Variants in TENT2 observed in about 807,000 individuals in gnomAD.
TENT2 encodes terminal nucleotidyltransferase 2.
A neutral mutation model predicts 72.2 loss-of-function variants in TENT2; 44 were observed. The ratio of observed to expected loss-of-function variants is 0.61; its 90% CI spans 0.48 to 0.78. The LOEUF (loss-of-function observed/expected upper bound fraction) is 0.78. TENT2 is among the 30% of genes least tolerant of loss of function. TENT2 has a pLI of 0.00. For synonymous variants in TENT2, 212 were observed against 192.5 expected, an observed-to-expected ratio of 1.10 and a Z score of -0.84; for missense variants, 541 against 569.6, an observed-to-expected ratio of 0.95 and a Z score of 0.51.
chr5:79,641,351 T>G (rs1181632163), intron 6 of TENT2, among the ~76,000 whole-genome samples, 155 bp downstream of exon 6: 1 of 152,072 alleles, frequency 6.6e-6, no homozygotes, highest in African/African-American at 2.4e-5. Flanking sequence ...AATTTTTTAT[T>G]TTTAAGGCAT....
At chr5:79,626,664 G>A (rs1452933551) in intron 4 of TENT2, among the ~76,000 whole-genome samples, 2 of 141,160 alleles carry the variant, frequency 1.4e-5, no homozygotes, top group East Asian at 4.2e-4. Context: ...GTCTTGCTAT[G>A]TTACCCAGGC....
Position 79,687,619 on chromosome 5 carries a change from C to A in TENT2, c.*2346C>A, listed in dbSNP as rs567139182. 6.6e-6 allele frequency among the ~76,000 whole-genome samples: 1 copy of A among 152,176 alleles called. No homozygotes were observed. The highest frequency in any genetic ancestry group is 1.9e-4 in the East Asian group (1 of 5,196). On this transcript the variant is annotated 3_prime_UTR_variant, in exon 15 of 15. Coordinates refer to ENST00000453514, the MANE Select transcript of TENT2 (RefSeq NM_001114394.3). ...ACAAGACAAAAAGTCTATACCTGTT[C>A]GGTACAGATGCAACCATTCTGCCTC...
At chr5:79,637,820 C>T (rs1386383636) in intron 4 of TENT2, among the ~76,000 whole-genome samples, 5 of 129,310 alleles carry the variant, frequency 3.9e-5, no homozygotes, top group Non-Finnish European at 6.3e-5. Context: ...TTTTTTGTGA[C>T]GGAGTCGCAT....
chr5:79,642,847 A>G lies in TENT2; in HGVS notation c.688A>G (p.Asn230Asp). 3 of 1,610,872 alleles carry G rather than the reference A, an allele frequency of 1.9e-6. No homozygotes were observed. The highest frequency in any genetic ancestry group is 2.5e-6 in the Non-Finnish European group (3 of 1,178,700). The change falls in exon 7 of 15, where the codon AAT becomes GAT. Residue 230 changes from asparagine (N) to aspartate (D), a missense_variant. Asn to Asp is a conservative substitution (Grantham distance 23). Transcript: ENST00000453514. ...VKEEPCFFQV[N>D]QKTEARHILT... ...AACTTTTCAGTGTTTTTTTCAGGTAAATCAGAAGACTGAAGCACGGCATAT... is the reference window on the plus strand; with the variant it reads ...AACTTTTCAGTGTTTTTTTCAGGTAGATCAGAAGACTGAAGCACGGCATAT...
intron 11 of TENT2, among the ~76,000 whole-genome samples, chr5:79,660,453 C>T (rs925215398): frequency 3.2e-4 from 48 of 151,960 alleles, no homozygotes; most frequent in African/African-American, 1.1e-3. Flanking sequence ...TTGTTTCCTT[C>T]GCTAAAAGTA....
rs971872380 is a variant in TENT2, at chr5:79,619,906, G to A, written c.138-88G>A. 47 of 1,447,920 alleles carry A rather than the reference G, an allele frequency of 3.2e-5. No homozygotes were observed. The Admixed American group carries it at 7.8e-4, about 24-fold the overall frequency. The allele number at this position is 1,447,920 out of a possible 1,614,324, so 89.7% of individuals were successfully genotyped here. A position where few individuals can be genotyped will look rare whatever the true frequency, so the allele number is the denominator to read the frequency against. ...ATGTCGTCACATTTTTTTTTGATACGGATGTATTTAATTTTTTTTCAGAGA... is the reference window on the plus strand; with the variant it reads ...ATGTCGTCACATTTTTTTTTGATACAGATGTATTTAATTTTTTTTCAGAGA... On this transcript the variant is annotated intron_variant, in intron 2 of 14. Transcript: ENST00000453514.
intron 10 of TENT2, among the ~76,000 whole-genome samples, chr5:79,650,619 C>T (rs1199857849): frequency 6.6e-6 from 1 of 152,014 alleles, no homozygotes; most frequent in Non-Finnish European, 1.5e-5. Flanking sequence ...GCAGCTTGGG[C>T]TTGGAAAGTT....
At chr5:79,629,566 G>A (rs1283757439) in intron 4 of TENT2, among the ~76,000 whole-genome samples, 2 of 152,184 alleles carry the variant, frequency 1.3e-5, no homozygotes, top group African/African-American at 4.8e-5. Context: ...AGTGGCTCAC[G>A]CCTGTAATCC....
rs528005453 is a variant in TENT2, at chr5:79,616,077, G to C, written c.-38+3002G>C. 9.9e-5 allele frequency among the ~76,000 whole-genome samples: 15 copies of C among 151,978 alleles called. No homozygotes were observed. The East Asian group carries it at 2.1e-3, about 22-fold the overall frequency. On this transcript the variant is annotated intron_variant, in intron 1 of 14. Coordinates refer to ENST00000453514, the MANE Select transcript of TENT2 (RefSeq NM_001114394.3). ...TAATTTTGTATTTTTAGTAGAGACG[G>C]GATTTTGCCGTGTTGGCCAGGCTGG...
In TENT2 at chr5:79,686,967, A is replaced by G. The variant is rs1300553905; in HGVS notation, c.*1694A>G. On this transcript the variant is annotated 3_prime_UTR_variant, in exon 15 of 15. Transcript: ENST00000453514. ...TGGGTAATCATTATAAGCATTAGTCATAGTACTATTCAGTAATACTGTGCA... is the reference window on the plus strand; with the variant it reads ...TGGGTAATCATTATAAGCATTAGTCGTAGTACTATTCAGTAATACTGTGCA... Among the ~76,000 whole-genome samples the G allele has an allele frequency of 6.6e-6, 1 of 152,180 alleles. No individual in the cohort carries two copies. The highest frequency in any genetic ancestry group is 1.5e-5 in the Non-Finnish European group (1 of 68,022).
intron 1 of TENT2, among the ~76,000 whole-genome samples, chr5:79,617,120 TA>T (rs1164318123): frequency 4.0e-4 from 59 of 145,746 alleles, no homozygotes; most frequent in Admixed American, 4.8e-4. Flanking sequence ...CTCTGTTGTT[TA>T]AAAAAAAAAA....
chr5:79,640,828 CT>C (rs770519264), intron 4 of TENT2, 22 bp from the exon 5 acceptor site: 84 of 1,521,884 alleles, frequency 5.5e-5, no homozygotes, highest in Middle Eastern at 3.4e-4. Flanking sequence ...AAAACTTTTA[CT>C]TTTTTTTGCG....
chr5:79,630,307 T>C (rs1774235583), intron 4 of TENT2, among the ~76,000 whole-genome samples: 1 of 151,610 alleles, frequency 6.6e-6, no homozygotes, highest in African/African-American at 2.4e-5. Context: ...TAAAGAGTGG[T>C]GGGAGCCAGG....
At chr5:79,631,304 G>T (rs1474807230) in intron 4 of TENT2, among the ~76,000 whole-genome samples, 1 of 152,184 alleles carries the variant, frequency 6.6e-6, no homozygotes, top group Non-Finnish European at 1.5e-5. Context: ...ACAGCTGGTG[G>T]CCTCATTTGC....
intron 4 of TENT2, among the ~76,000 whole-genome samples, chr5:79,635,896 C>T (rs751998462): frequency 6.6e-5 from 10 of 152,144 alleles, no homozygotes; most frequent in Non-Finnish European, 1.5e-4. Flanking sequence ...TGAGTACCTA[C>T]GGTGAATTCT....
At chr5:79,674,516 AG>A (rs1453855414) in intron 12 of TENT2, among the ~76,000 whole-genome samples, 1 of 152,204 alleles carries the variant, frequency 6.6e-6, no homozygotes, top group African/African-American at 2.4e-5. Context: ...GAACTATAAA[AG>A]GTATTTGAGT....
chr5:79,669,842 T>G (rs1811538525), intron 12 of TENT2, among the ~76,000 whole-genome samples: 1 of 152,066 alleles, frequency 6.6e-6, no homozygotes, highest in Non-Finnish European at 1.5e-5. Flanking sequence ...GTTTACATAA[T>G]TGTTATCTGG....
intron 4 of TENT2, 177 bp downstream of exon 4, chr5:79,623,666 C>T (rs1270318930): frequency 1.4e-5 from 6 of 419,554 alleles, no homozygotes; most frequent in Non-Finnish European, 2.1e-5. Context: ...GTTAGCTATT[C>T]TTTTATAGAA....
At chr5:79,642,674 T>C (rs1051621032) in intron 6 of TENT2, among the ~76,000 whole-genome samples, 158 bp from the exon 7 acceptor site, 2 of 152,112 alleles carry the variant, frequency 1.3e-5, no homozygotes, top group Admixed American at 6.5e-5. Context: ...CTTTTTCTGT[T>C]ATTTAGAAAA....
Sources: allele counts gnomAD v4.1 joint callset (sites outside exome capture counted in the v4.1 genomes callset), GRCh38; gene constraint gnomAD v4.1.1; transcripts MANE v1.5; gene names NCBI Gene and HGNC (gene_info 2026-07-23, HGNC 2026-07-21).